POLM: variants seen among roughly 807,000 people sequenced by gnomAD.
The protein encoded by POLM is DNA polymerase mu.
A neutral mutation model predicts 56.7 loss-of-function variants in POLM; 52 were observed. That is an observed-to-expected ratio of 0.92 (90% CI 0.73 to 1.15). The LOEUF (loss-of-function observed/expected upper bound fraction) is 1.15, where lower values mean the gene tolerates loss of function less well. POLM is among the 50% of genes most tolerant of loss of function. The pLI, the probability that POLM is intolerant of heterozygous loss-of-function variation, is 0.00. For synonymous variants in POLM, 273 were observed against 274.3 expected (o/e 1.00, Z 0.05); for missense variants, 660 against 663.6 (o/e 0.99, Z 0.06).
chr7:44,080,847 C>T lies in POLM; in HGVS notation c.258G>A (p.Arg86=), dbSNP rs761091768. The change falls in exon 2 of 11, where the codon AGG becomes AGA. Residue 86 remains arginine (R), a synonymous_variant. Transcript: ENST00000242248. ...TGCAACCCGGGGGAGCAGCTGCCAT[C>T]CTGCGCTCCTGCCAGCTGACGGCCT... The part of the protein sequence containing the change: ...AEEAVSWQER[R]MAAAPPGCTP... 2 of 1,610,498 alleles carry T rather than the reference C, an allele frequency of 1.2e-6. No individual in the cohort carries two copies. Among genetic ancestry groups the T allele is most frequent in the African/African-American group, 2.7e-5 (2 of 74,822 alleles).
At chr7:44,080,562 G>A (rs1383910289) in intron 2 of POLM, 171 bp downstream of exon 2, 2 of 726,856 alleles carry the variant, frequency 2.8e-6, no homozygotes, top group Non-Finnish European at 2.4e-6. Flanking sequence ...CCCCTTCTGT[G>A]GTTCCTCTAC....
intron 5 of POLM, among the ~76,000 whole-genome samples, chr7:44,077,987 CAG>C (rs1456285101): frequency 6.6e-6 from 1 of 152,166 alleles, no homozygotes; most frequent in Non-Finnish European, 1.5e-5. Flanking sequence ...TGAGCAGAAA[CAG>C]AGGGAAGGTG....
Position 44,073,304 on chromosome 7 carries a change from T to C in POLM, c.1472A>G (p.Gln491Arg). Reference protein sequence around the residue: ...HLGLEYLPPEQRNA With the variant: ...HLGLEYLPPERRNA ...ACACAGGCAGGCTCAGGCGTTTCTC[T>C]GCTCTGGAGGAAGGTACTCAAGGCC... The change falls in exon 11 of 11, where the codon CAG (glutamine) becomes CGG (arginine). Residue 491 changes from glutamine (Q) to arginine (R), a missense_variant. Transcript: ENST00000242248. 1.2e-6 allele frequency: 2 copies of C among 1,614,234 alleles called. No individual in the cohort carries two copies. The highest frequency in any genetic ancestry group is 1.7e-6 in the Non-Finnish European group (2 of 1,180,028).
chr7:44,080,766 C>G lies in POLM; in HGVS notation c.339G>C (p.Gln113His). 6.2e-7 allele frequency: 1 copy of G among 1,614,128 alleles called. No homozygotes were observed. Among genetic ancestry groups the G allele is most frequent in the African/African-American group, 1.3e-5 (1 of 75,074 alleles). The stretch of plus-strand genomic sequence containing the variant: ...GGTGCCGGCACTCCACAGGTACAGG[C>G]TGCCCAGCTCCCAGGCTCTCTGTTA... ...SWLTESLGAG[Q>H]PVPVECRHRL... Residue 113 changes from glutamine to histidine, a missense_variant, in exon 2 of 11, where the codon CAG becomes CAC. Coordinates refer to ENST00000242248, the MANE Select transcript of POLM (RefSeq NM_013284.4).
At chr7:44,081,130 A>G (rs2096198693) in intron 1 of POLM, among the ~76,000 whole-genome samples, 3 of 152,178 alleles carry the variant, frequency 2.0e-5, no homozygotes. Context: ...TGCCCTGGCT[A>G]TGTTCACAAG....
chr7:44,073,069 G>A lies in POLM; in HGVS notation c.*222C>T. The A allele has an allele frequency of 1.4e-6, 2 of 1,440,406 alleles. No homozygotes were observed. The highest frequency in any genetic ancestry group is 1.8e-6 in the Non-Finnish European group (2 of 1,099,294). 89.2% of individuals were successfully genotyped at this position (1,440,406 alleles called of 1,614,324 possible). On this transcript the variant is annotated 3_prime_UTR_variant, in exon 11 of 11. Transcript: ENST00000242248. ...CTAAGAGCAGACCCAGGGTCACACA[G>A]TGATGAGGCTGGCACTGAGGGCTCC...
In POLM at chr7:44,075,460, A is replaced by T. The variant is rs2096180830; in HGVS notation, c.836-930T>A. 2.0e-5 allele frequency among the ~76,000 whole-genome samples: 3 copies of T among 151,940 alleles called. No homozygotes were observed. The South Asian group carries it at 6.2e-4, about 31-fold the overall frequency. ...CTTGCCATGGGGAGAGGCGATCAAG[A>T]GGAACCAGCTCTGCGGGTCTCACCT... is the stretch of plus-strand genomic sequence containing the variant. On this transcript the variant is annotated intron_variant, in intron 6 of 10. Transcript: ENST00000242248.
In POLM at chr7:44,073,725, G is replaced by A. The variant is rs768577111; in HGVS notation, c.1315-17C>T. ...CTGGAAAAGCTGTAGGGAAGGGATTGTCCTCAGCAGGGCTGGCCCAGCCCC... is the reference window on the plus strand; with the variant it reads ...CTGGAAAAGCTGTAGGGAAGGGATTATCCTCAGCAGGGCTGGCCCAGCCCC... On this transcript the variant is annotated splice_polypyrimidine_tract_variant and intron_variant, in intron 9 of 10. Coordinates refer to ENST00000242248, the MANE Select transcript of POLM (RefSeq NM_013284.4). The A allele has an allele frequency of 4.2e-5, 67 of 1,614,040 alleles. No homozygotes were observed. The highest frequency in any genetic ancestry group is 5.6e-5 in the Non-Finnish European group (66 of 1,180,018).
chr7:44,076,725 G>A, intron 5 of POLM, 96 bp from the exon 6 acceptor site: 2 of 1,502,004 alleles, frequency 1.3e-6, no homozygotes, highest in South Asian at 2.4e-5. Flanking sequence ...GGAGCACCAT[G>A]CACCAGGCAG....
rs2096170950 is a variant in POLM, at chr7:44,072,384, T to C, written c.*907A>G. The C allele has an allele frequency of 6.6e-6, 1 of 152,194 alleles. No individual in the cohort carries two copies. Among genetic ancestry groups the C allele is most frequent in the African/African-American group, 2.4e-5 (1 of 41,450 alleles). The allele number at this position is 152,194 out of a possible 1,614,324, so 9.4% of individuals were successfully genotyped here. Reference sequence around the variant, plus strand: ...TAGATGACATGGCCAGGGCAAAACCTGAGGCCAGAGTGTGCCTGGGGATAT... The same window carrying C: ...TAGATGACATGGCCAGGGCAAAACCCGAGGCCAGAGTGTGCCTGGGGATAT... On this transcript the variant is annotated 3_prime_UTR_variant, in exon 11 of 11. Coordinates refer to ENST00000242248, the MANE Select transcript of POLM (RefSeq NM_013284.4).
Position 44,072,884 on chromosome 7 carries a change from G to T in POLM, c.*407C>A. The T allele has an allele frequency of 2.1e-6, 1 of 481,196 alleles. No homozygotes were observed. Among genetic ancestry groups the T allele is most frequent in the Non-Finnish European group, 3.7e-6 (1 of 272,128 alleles). The allele number at this position is 481,196 out of a possible 1,614,324, so 29.8% of individuals were successfully genotyped here. On this transcript the variant is annotated 3_prime_UTR_variant, in exon 11 of 11. Coordinates refer to ENST00000242248, the MANE Select transcript of POLM (RefSeq NM_013284.4). ...CATGGTTCTCTTCTGGGCATTCTGG[G>T]CAGGGTGCCCTGCAGGAGCCACAGT...
intron 1 of POLM, among the ~76,000 whole-genome samples, chr7:44,081,131 T>C (rs1367903898): frequency 6.6e-6 from 1 of 152,242 alleles, no homozygotes; most frequent in Non-Finnish European, 1.5e-5. Context: ...GCCCTGGCTA[T>C]GTTCACAAGC....
In POLM at chr7:44,082,285, G is replaced by A. The variant is rs778897319; in HGVS notation, c.154C>T (p.Arg52Cys). The A allele has an allele frequency of 4.6e-6, 7 of 1,530,360 alleles. No homozygotes were observed. Among genetic ancestry groups the A allele is most frequent in the Non-Finnish European group, 5.2e-6 (6 of 1,146,812 alleles). 94.8% of individuals were successfully genotyped at this position (1,530,360 alleles called of 1,614,324 possible). ...TCAAGGACGCGGAAGCCTTTGGAGC[G>A]CGCCAGGCCTGTGAGGAAGGCCCGG... ...SRRAFLTGLA[R>C]SKGFRVLDAC... Residue 52 changes from arginine to cysteine, a missense_variant, in exon 1 of 11, where the codon CGC (arginine) becomes TGC (cysteine). By Grantham distance (180) the Arg-to-Cys change is radical. Transcript: ENST00000242248.
intron 6 of POLM, chr7:44,076,090 G>A (rs2096182758): frequency 1.2e-5 from 2 of 160,608 alleles, no homozygotes; most frequent in African/African-American, 4.8e-5. Flanking sequence ...GTTATTTCTT[G>A]GGCAATGGTC....
chr7:44,073,930 GA>G lies in POLM; in HGVS notation c.1166del (p.Phe389SerfsTer27). The G allele has an allele frequency of 6.2e-7, 1 of 1,614,264 alleles. No individual in the cohort carries two copies. The highest frequency in any genetic ancestry group is 8.5e-7 in the Non-Finnish European group (1 of 1,180,048). On this transcript the variant is annotated frameshift_variant, in exon 9 of 11. Transcript: ENST00000242248. LOFTEE classifies it high-confidence loss of function. Reference sequence around the variant, plus strand: ...GAGGTTGTGGTAGGCGGAAAATGCAGAAACTTCTCTCAAAAGCGTCCATGTG... The same window carrying G: ...GAGGTTGTGGTAGGCGGAAAATGCAGAACTTCTCTCAAAAGCGTCCATGTG... ...QSHMDAFERSFCIFRLPQPPG... is the reference protein window; with the variant it reads ...QSHMDAFERSXCIFRLPQPPG...
rs771342819 is a variant in POLM, at chr7:44,073,977, T to A, written c.1120A>T (p.Thr374Ser). The change falls in exon 9 of 11, where the codon ACC becomes TCC. Residue 374 changes from threonine (T) to serine (S), a missense_variant. Thr to Ser is a moderately conservative substitution (Grantham distance 58). Transcript: ENST00000242248. ...ATGTGGCTCTGTTGGGCCAGGCGGG[T>A]AGGGGACTCACAGCAGCTGTGCTGG... Reference protein sequence around the residue: ...QHQHSCCESPTRLAQQSHMDA... With the variant: ...QHQHSCCESPSRLAQQSHMDA... The A allele has an allele frequency of 1.3e-5, 21 of 1,613,942 alleles. No homozygotes were observed. Among genetic ancestry groups the A allele is most frequent in the Admixed American group, 6.7e-5 (4 of 59,996 alleles).
Position 44,078,766 on chromosome 7 carries a change from G to C in POLM, c.688C>G (p.Arg230Gly). 6.2e-7 allele frequency: 1 copy of C among 1,614,018 alleles called. No individual in the cohort carries two copies. The highest frequency in any genetic ancestry group is 8.5e-7 in the Non-Finnish European group (1 of 1,179,938). ...TTCATGGTCTGGTACCTCTCTGAGC[G>C]CCGAACTCTCTCCACCTCCTCACAC... ...GVCEEVERVRRSERYQTMKLF... is the reference protein window; with the variant it reads ...GVCEEVERVRGSERYQTMKLF... The change falls in exon 5 of 11, where the codon CGC becomes GGC. Residue 230 changes from arginine to glycine, a missense_variant. By Grantham distance (125) the Arg-to-Gly change is moderately radical. Coordinates refer to ENST00000242248, the MANE Select transcript of POLM (RefSeq NM_013284.4).
rs371624396 is a variant in POLM, at chr7:44,073,616, A to G, written c.1398+9T>C. 23 of 1,613,830 alleles carry G rather than the reference A, an allele frequency of 1.4e-5. No individual in the cohort carries two copies. Among genetic ancestry groups the G allele is most frequent in the Non-Finnish European group, 1.8e-5 (21 of 1,179,906 alleles). On this transcript the variant is annotated intron_variant, in intron 10 of 10. Coordinates refer to ENST00000242248, the MANE Select transcript of POLM (RefSeq NM_013284.4). ...TGCTGTTTGCTGTCCCCAGTCCCCA[A>G]CAATGTACCTGCTCCGGGTCAAACA...
rs2096171960 is a variant in POLM, at chr7:44,072,757, C to T, written c.*534G>A. The T allele has an allele frequency of 3.8e-6, 1 of 264,190 alleles. No homozygotes were observed. The highest frequency in any genetic ancestry group is 2.2e-5 in the African/African-American group (1 of 45,314). The allele number at this position is 264,190 out of a possible 1,614,324, so 16.4% of individuals were successfully genotyped here. A position where few individuals can be genotyped will look rare whatever the true frequency, so the allele number is the denominator to read the frequency against. On this transcript the variant is annotated 3_prime_UTR_variant, in exon 11 of 11. Transcript: ENST00000242248. ...ATCTTCCTCCCAGCTCCTACCCAGG[C>T]CCTCTCCCTCTCCAGATGCCTACAG...
Sources: gnomAD v4.1 joint callset for allele counts (sites outside exome capture counted in the v4.1 genomes callset) on GRCh38, gnomAD v4.1.1 for gene constraint, MANE v1.5 for transcripts, NCBI Gene and HGNC (gene_info 2026-07-23, HGNC 2026-07-21) for gene names.